The following ARHGAP44 variants were observed in gnomAD, a reference collection of about 807,000 sequenced individuals.
ARHGAP44 encodes rho GTPase-activating protein 44.
Under a neutral mutation model 106.8 loss-of-function variants are expected in ARHGAP44, and 43 were observed. That is an observed-to-expected ratio of 0.40 (90% CI 0.32 to 0.52). The LOEUF is 0.52. Among genes scored for constraint, ARHGAP44 ranks in the 20% least tolerant of loss-of-function variants. The probability of loss-of-function intolerance (pLI) is 0.48; values close to 1 mark genes in which losing one functional copy is unlikely to be tolerated. For missense variants in ARHGAP44, 866 were observed against 1,050.5 expected (o/e 0.82, Z 2.43); for synonymous variants, 439 against 410.3 (o/e 1.07, Z -0.85).
chr17:12,923,781 C>G (rs564718975), intron 6 of ARHGAP44, among the ~76,000 whole-genome samples: 5 of 152,156 alleles, frequency 3.3e-5, no homozygotes, highest in Admixed American at 2.6e-4. Context: ...AAGAAGCCAA[C>G]CCAACACAAC....
chr17:12,989,974 A>G (rs1468522145), intron 20 of ARHGAP44, 58 bp from the exon 21 acceptor site: 1 of 1,582,934 alleles, frequency 6.3e-7, no homozygotes, highest in Non-Finnish European at 8.6e-7. Context: ...GCCTACAACT[A>G]GGTTCTCATT....
chr17:12,826,668 C>CA (rs1351068116), intron 1 of ARHGAP44, among the ~76,000 whole-genome samples: 1 of 152,220 alleles, frequency 6.6e-6, no homozygotes, highest in Non-Finnish European at 1.5e-5. Context: ...TCACTGGTGC[C>CA]AGACACCAAG....
chr17:12,795,526 A>T (rs1597850870), intron 1 of ARHGAP44, among the ~76,000 whole-genome samples: 1 of 142,920 alleles, frequency 7.0e-6, no homozygotes, highest in African/African-American at 2.6e-5. Flanking sequence ...TTTATCAATG[A>T]TTTTTTTTTT....
chr17:12,889,259 C>T (rs2036971005), intron 1 of ARHGAP44, among the ~76,000 whole-genome samples: 1 of 151,880 alleles, frequency 6.6e-6, no homozygotes. Flanking sequence ...TGTCTTGTTC[C>T]ATTTTGTGCT....
At chr17:12,941,033 G>A (rs1192906129) in intron 7 of ARHGAP44, 23 bp from the exon 8 acceptor site, 9 of 1,612,292 alleles carry the variant, frequency 5.6e-6, no homozygotes, top group Admixed American at 1.7e-5. Flanking sequence ...TTTTACCTTG[G>A]TTGTATATTT....
intron 1 of ARHGAP44, among the ~76,000 whole-genome samples, chr17:12,791,041 G>A (rs1287355332): frequency 1.3e-5 from 2 of 152,260 alleles, no homozygotes; most frequent in East Asian, 3.9e-4. Flanking sequence ...GGTAGGATGG[G>A]GGTGGGGACA....
At chr17:12,952,815 G>A (rs576795759) in intron 13 of ARHGAP44, among the ~76,000 whole-genome samples, 1 of 140,268 alleles carries the variant, frequency 7.1e-6, no homozygotes, top group African/African-American at 2.6e-5. Context: ...CTCACTGCAA[G>A]CTCCGCCTCC....
At chr17:12,970,188 G>A (rs1217490083) in intron 16 of ARHGAP44, among the ~76,000 whole-genome samples, 3 of 150,520 alleles carry the variant, frequency 2.0e-5, no homozygotes, top group African/African-American at 4.9e-5. Context: ...GTAACATGGT[G>A]AAACTCATCT....
At chr17:12,951,987 G>T (rs933016987) in intron 12 of ARHGAP44, among the ~76,000 whole-genome samples, 18 of 152,182 alleles carry the variant, frequency 1.2e-4, no homozygotes, top group African/African-American at 4.3e-4. Context: ...CAACTCAGCA[G>T]GACACAGACA....
At chr17:12,858,626 C>T (rs2035977723) in intron 1 of ARHGAP44, among the ~76,000 whole-genome samples, 1 of 152,130 alleles carries the variant, frequency 6.6e-6, no homozygotes, top group Non-Finnish European at 1.5e-5. Flanking sequence ...AATTGTATCT[C>T]CCCTAGAAGA....
At chr17:12,893,195 C>T (rs118178184) in intron 1 of ARHGAP44, among the ~76,000 whole-genome samples, 1,570 of 152,152 alleles carry the variant, frequency 0.01, 23 homozygotes, top group Non-Finnish European at 0.014. Context: ...ATTGACCCTT[C>T]GAAGATGGAG....
Position 12,895,013 on chromosome 17 carries a change from C to T in ARHGAP44, c.93+34C>T, listed in dbSNP as rs746458180. The T allele has an allele frequency of 1.2e-5, 19 of 1,565,908 alleles. No individual in the cohort carries two copies. The African/African-American group carries it at 2.4e-4, about 20-fold the overall frequency. On this transcript the variant is annotated intron_variant, in intron 2 of 20. Transcript: ENST00000379672. ...GCCATTGACACTGGCTCACAGATAC[C>T]AGAGATATATGGGAGGCTGAGGCAG...
chr17:12,895,819 A>G (rs868300983), intron 2 of ARHGAP44, among the ~76,000 whole-genome samples: 1 of 152,280 alleles, frequency 6.6e-6, no homozygotes, highest in Middle Eastern at 3.4e-3. Context: ...TTATTGTGGC[A>G]CTATTCACAA....
intron 10 of ARHGAP44, 38 bp downstream of exon 10, chr17:12,944,234 TCTC>T: frequency 5.8e-6 from 9 of 1,555,642 alleles, no homozygotes; most frequent in Non-Finnish European, 7.8e-6. Context: ...CCCGGGCAGG[TCTC>T]CTCTTCCACG....
At chr17:12,938,103 A>T (rs1348808388) in intron 7 of ARHGAP44, among the ~76,000 whole-genome samples, 1 of 152,166 alleles carries the variant, frequency 6.6e-6, no homozygotes, top group Non-Finnish European at 1.5e-5. Flanking sequence ...ATTCTGCCAT[A>T]AAATCATGAG....
Position 12,966,795 on chromosome 17 carries a change from C to T in ARHGAP44, c.1524-6507C>T, listed in dbSNP as rs1366070728. Among the ~76,000 whole-genome samples, 4 of 152,288 alleles carry T rather than the reference C, an allele frequency of 2.6e-5. No homozygotes were observed. In the East Asian group the frequency reaches 7.7e-4, roughly 29 times the overall value. ...CCTTCCAAATCTCTATAGACTTGAA[C>T]ACTTCACAGCCATGTATTGGCTGAC... is the stretch of plus-strand genomic sequence containing the variant. On this transcript the variant is annotated intron_variant, in intron 16 of 20. Transcript: ENST00000379672.
At chr17:12,962,976 G>T (rs11868820) in intron 16 of ARHGAP44, among the ~76,000 whole-genome samples, 1 of 150,036 alleles carries the variant, frequency 6.7e-6, no homozygotes, top group Non-Finnish European at 1.5e-5. Flanking sequence ...ACCCAGGGAG[G>T]CGGAGGTTGC....
chr17:12,823,459 G>A (rs1354781892), intron 1 of ARHGAP44, among the ~76,000 whole-genome samples: 2 of 152,140 alleles, frequency 1.3e-5, no homozygotes, highest in African/African-American at 4.8e-5. Flanking sequence ...AGCTCTGTCA[G>A]ATGGATGGAA....
At chr17:12,884,492 A>G (rs1233625983) in intron 1 of ARHGAP44, among the ~76,000 whole-genome samples, 2 of 152,196 alleles carry the variant, frequency 1.3e-5, no homozygotes, top group African/African-American at 4.8e-5. Context: ...GATTCACATG[A>G]TATTGTTGTC....
Sources: allele counts gnomAD v4.1 joint callset (sites outside exome capture counted in the v4.1 genomes callset), GRCh38; gene constraint gnomAD v4.1.1; transcripts MANE v1.5; gene names NCBI Gene and HGNC (gene_info 2026-07-23, HGNC 2026-07-21).